GDI2: variants seen among roughly 807,000 people sequenced by gnomAD.
GDI2 encodes the protein GDP dissociation inhibitor 2.
A neutral mutation model predicts 54.2 loss-of-function variants in GDI2; 22 were observed. The ratio of observed to expected loss-of-function variants is 0.41; its 90% confidence interval spans 0.29 to 0.58. GDI2 has a LOEUF of 0.58. Ranked by LOEUF, GDI2 falls within the 20% of genes least tolerant of loss-of-function variation. The pLI, the probability that GDI2 is intolerant of heterozygous loss-of-function variation, is 0.35. For synonymous variants in GDI2, 177 were observed against 182.1 expected, an observed-to-expected ratio of 0.97 and a Z score of 0.23; for missense variants, 422 against 546.0, an observed-to-expected ratio of 0.77 and a Z score of 2.26.
intron 1 of GDI2, among the ~76,000 whole-genome samples, chr10:5,812,619 T>C (rs1486797654): frequency 6.6e-6 from 1 of 152,224 alleles, no homozygotes; most frequent in Non-Finnish European, 1.5e-5. Context: ...GATTCAATAA[T>C]ACTTCTCATT....
At chr10:5,786,198 T>A (rs1327697686) in intron 4 of GDI2, 148 bp from the exon 5 acceptor site, 2 of 555,154 alleles carry the variant, frequency 3.6e-6, no homozygotes, top group Non-Finnish European at 6.1e-6. Flanking sequence ...TGAGACAGAG[T>A]CTTGCTCTGT....
intron 1 of GDI2, chr10:5,811,732 C>T (rs1841482737): frequency 3.6e-6 from 1 of 274,618 alleles, no homozygotes; most frequent in South Asian, 3.2e-5. Flanking sequence ...AGTCTTCCAG[C>T]TTTTCAAAGA....
At chr10:5,807,273 A>G (rs1478987498) in intron 1 of GDI2, among the ~76,000 whole-genome samples, 1 of 152,234 alleles carries the variant, frequency 6.6e-6, no homozygotes, top group Non-Finnish European at 1.5e-5. Flanking sequence ...TTTTTCCAAA[A>G]TTACCAGCTC....
Position 5,766,046 on chromosome 10 carries a change from T to C in GDI2, c.1298A>G (p.Glu433Gly). 1 of 1,590,582 alleles carries C rather than the reference T, an allele frequency of 6.3e-7. No homozygotes were observed. The highest frequency in any genetic ancestry group is 8.5e-7 in the Non-Finnish European group (1 of 1,173,862). The change falls in exon 11 of 11, where the codon GAA becomes GGA. Residue 433 changes from glutamate (E) to glycine (G), a missense_variant. Glu to Gly is a moderately conservative substitution (Grantham distance 98, BLOSUM62 -2). Transcript: ENST00000380191. The surrounding 1 kb of genome is among the most constrained non-coding windows in gnomAD (Gnocchi z 5.8). ...GATGTCATTCTTCTTGCGCTTCATT[T>C]CCTCAAAGTCAAACTCTGATCCTGT... ...RMTGSEFDFE[E>G]MKRKKNDIYG...
At chr10:5,810,098 A>C (rs1436979727) in intron 1 of GDI2, among the ~76,000 whole-genome samples, 1 of 152,248 alleles carries the variant, frequency 6.6e-6, no homozygotes, top group Non-Finnish European at 1.5e-5. Flanking sequence ...TCTGAATTTT[A>C]GTTCAGAATT....
chr10:5,787,767 C>T (rs533318020), intron 4 of GDI2, among the ~76,000 whole-genome samples: 10 of 152,320 alleles, frequency 6.6e-5, no homozygotes, highest in South Asian at 2.1e-4. Context: ...ATATTCCGGT[C>T]GGCACAGCCT....
chr10:5,781,459 A>G (rs1053394856), intron 6 of GDI2, among the ~76,000 whole-genome samples: 2 of 151,472 alleles, frequency 1.3e-5, no homozygotes, highest in Non-Finnish European at 2.9e-5. Flanking sequence ...CCCCGTCTCT[A>G]CTAAAAATAC....
chr10:5,806,335 G>T (rs1296053638), intron 1 of GDI2, among the ~76,000 whole-genome samples: 1 of 100,300 alleles, frequency 1.0e-5, no homozygotes, highest in Non-Finnish European at 2.2e-5. Context: ...AGCCCTTTGG[G>T]AGGCCAAGGT....
chr10:5,795,044 T>A, intron 3 of GDI2, 25 bp from the exon 4 acceptor site: 2 of 1,475,982 alleles, frequency 1.4e-6, no homozygotes, highest in Non-Finnish European at 1.9e-6. Flanking sequence ...TAATTCAAAC[T>A]ATAACTTAAG....
intron 1 of GDI2, among the ~76,000 whole-genome samples, 160 bp downstream of exon 1, chr10:5,813,054 C>T (rs1380132551): frequency 3.3e-5 from 5 of 152,136 alleles, no homozygotes; most frequent in Non-Finnish European, 7.4e-5. Flanking sequence ...CGCGGGGCGC[C>T]CCTGAACCCG....
In GDI2 at chr10:5,774,204, T is replaced by C. The variant is rs1309004971; in HGVS notation, c.720-263A>G. On this transcript the variant is annotated intron_variant, in intron 6 of 10. Transcript: ENST00000380191. This position sits in a 1 kb window ranked among gnomAD's most constrained non-coding sequence, Gnocchi z 4.8. ...TCGGCCCTCCTCCAAGTGTACTTTC[T>C]TTCCTTCCTTTCATTCCTGCCCTAA... Among the ~76,000 whole-genome samples, 1 of 152,114 alleles carries C rather than the reference T, an allele frequency of 6.6e-6. No individual in the cohort carries two copies. Among genetic ancestry groups the C allele is most frequent in the African/African-American group, 2.4e-5 (1 of 41,428 alleles).
chr10:5,813,422 G>T lies in GDI2; in HGVS notation c.-164C>A. The T allele has an allele frequency of 3.0e-6, 1 of 331,368 alleles. No individual in the cohort carries two copies. Among genetic ancestry groups the T allele is most frequent in the Non-Finnish European group, 5.8e-6 (1 of 172,482 alleles). The allele number at this position is 331,368 out of a possible 1,614,324, so 20.5% of individuals were successfully genotyped here. Reference sequence around the variant, plus strand: ...CGAGACCGACCGCCACCTCAGACGGGAAGAGAAGAACTGGGCGGGGAGAGG... The same window carrying T: ...CGAGACCGACCGCCACCTCAGACGGTAAGAGAAGAACTGGGCGGGGAGAGG... On this transcript the variant is annotated 5_prime_UTR_variant, in exon 1 of 11. Coordinates refer to ENST00000380191, the MANE Select transcript of GDI2 (RefSeq NM_001494.4).
rs34959016 is a variant in GDI2, at chr10:5,765,768, GAAA to G, written c.*235_*237del. 15 of 311,896 alleles carry G rather than the reference GAAA, an allele frequency of 4.8e-5. No homozygotes were observed. Among genetic ancestry groups the G allele is most frequent in the East Asian group, 1.9e-4 (3 of 15,766 alleles). 19.3% of individuals were successfully genotyped at this position (311,896 alleles called of 1,614,324 possible). A position where few individuals can be genotyped will look rare whatever the true frequency, so the allele number is the denominator to read the frequency against. ...TCCCAATGTTTGTTTAACTTCACTA[GAAA>G]AAAAAAAAGCCAGTTTGGTTAAATT... is the stretch of plus-strand genomic sequence containing the variant. On this transcript the variant is annotated 3_prime_UTR_variant, in exon 11 of 11. Coordinates refer to ENST00000380191, the MANE Select transcript of GDI2 (RefSeq NM_001494.4).
intron 4 of GDI2, among the ~76,000 whole-genome samples, chr10:5,790,539 G>C (rs1322241728): frequency 6.6e-6 from 1 of 152,042 alleles, no homozygotes; most frequent in Admixed American, 6.6e-5. Context: ...CAGATACTTG[G>C]GGAGGCTGAG....
At chr10:5,788,260 A>G (rs1351642032) in intron 4 of GDI2, among the ~76,000 whole-genome samples, 3 of 151,888 alleles carry the variant, frequency 2.0e-5, no homozygotes, top group Admixed American at 6.6e-5. Context: ...CCAGGCTCCT[A>G]AAGTGTGGAA....
intron 2 of GDI2, among the ~76,000 whole-genome samples, chr10:5,798,775 C>T (rs1260959100): frequency 6.6e-6 from 1 of 151,966 alleles, no homozygotes; most frequent in Non-Finnish European, 1.5e-5. Flanking sequence ...GAGTTCGAGA[C>T]CAGCATGGCC....
In GDI2 at chr10:5,768,906, T is replaced by G. The variant is rs1332896832; in HGVS notation, c.820-522A>C. On this transcript the variant is annotated intron_variant, in intron 7 of 10. Coordinates refer to ENST00000380191, the MANE Select transcript of GDI2 (RefSeq NM_001494.4). This position sits in a 1 kb window ranked among gnomAD's most constrained non-coding sequence, Gnocchi z 4.4. ...GTGCAAAAGCTTCATGACATTGGAGTTGGCAGTAATTCCTTGTATCTAAAA... is the reference window on the plus strand; with the variant it reads ...GTGCAAAAGCTTCATGACATTGGAGGTGGCAGTAATTCCTTGTATCTAAAA... 6.6e-6 allele frequency: 1 copy of G among 152,130 alleles called. No homozygotes were observed. The highest frequency in any genetic ancestry group is 1.9e-4 in the East Asian group (1 of 5,200). 9.4% of individuals were successfully genotyped at this position (152,130 alleles called of 1,614,324 possible).
At chr10:5,806,471 T>G (rs1841383890) in intron 1 of GDI2, among the ~76,000 whole-genome samples, 1 of 151,932 alleles carries the variant, frequency 6.6e-6, no homozygotes, top group Non-Finnish European at 1.5e-5. Flanking sequence ...TTATGATAAG[T>G]GCCTATTCAA....
intron 5 of GDI2, 117 bp from the exon 6 acceptor site, chr10:5,785,390 T>C (rs1044651561): frequency 1.3e-6 from 1 of 779,018 alleles, no homozygotes; most frequent in Non-Finnish European, 2.1e-6. Context: ...TTTTTTGTTT[T>C]TTGAGACAGG....
Sources: gnomAD v4.1 joint callset for allele counts (sites outside exome capture counted in the v4.1 genomes callset) on GRCh38, gnomAD v4.1.1 for gene constraint, Gnocchi (gnomAD v3.1) non-coding constraint, MANE v1.5 for transcripts, NCBI Gene and HGNC (gene_info 2026-07-23, HGNC 2026-07-21) for gene names.